TMTC2: variants seen among roughly 807,000 people sequenced by gnomAD.
The protein encoded by TMTC2 is protein O-mannosyl-transferase TMTC2.
A neutral mutation model predicts 82.4 loss-of-function variants in TMTC2; 43 were observed. The observed-to-expected ratio is 0.52, with a 90% CI of 0.41 to 0.67. TMTC2 has a LOEUF of 0.67. Ranked by LOEUF, TMTC2 falls within the 30% of genes least tolerant of loss-of-function variation. The pLI, the probability that TMTC2 is intolerant of heterozygous loss-of-function variation, is 0.00. For synonymous variants in TMTC2, 408 were observed against 381.9 expected (o/e 1.07, Z -0.80); for missense variants, 919 against 1,012.4 (o/e 0.91, Z 1.25).
At chr12:82,949,593 T>C (rs969211282) in intron 4 of TMTC2, among the ~76,000 whole-genome samples, 3 of 152,148 alleles carry the variant, frequency 2.0e-5, no homozygotes, top group African/African-American at 7.3e-5. Flanking sequence ...CATTCATTTA[T>C]TGGTCCTGTG....
chr12:82,876,686 CG>C (rs1872599892), intron 2 of TMTC2, among the ~76,000 whole-genome samples: 1 of 152,060 alleles, frequency 6.6e-6, no homozygotes, highest in South Asian at 2.1e-4. Flanking sequence ...TTATAATTGA[CG>C]TTTTTCAAGG....
intron 8 of TMTC2, among the ~76,000 whole-genome samples, chr12:83,006,654 G>C (rs1425722506): frequency 6.6e-6 from 1 of 152,166 alleles, no homozygotes; most frequent in Admixed American, 6.5e-5. Context: ...ATGCACACAC[G>C]TATGTTTATT....
chr12:82,907,158 C>T (rs1303447996), intron 3 of TMTC2, among the ~76,000 whole-genome samples: 1 of 151,950 alleles, frequency 6.6e-6, no homozygotes, highest in Non-Finnish European at 1.5e-5. Flanking sequence ...TGCAGAAGTT[C>T]AGACGCCTTT....
intron 2 of TMTC2, among the ~76,000 whole-genome samples, chr12:82,882,781 G>A (rs2137158002): frequency 6.6e-6 from 1 of 152,190 alleles, no homozygotes; most frequent in East Asian, 1.9e-4. Context: ...TCTAGGGTGC[G>A]TGCAGTGGCA....
intron 9 of TMTC2, among the ~76,000 whole-genome samples, chr12:83,033,735 A>T (rs965923302): frequency 1.3e-5 from 2 of 152,024 alleles, no homozygotes; most frequent in Admixed American, 6.6e-5. Context: ...TGGGTGAGAG[A>T]GCAAGACTCT....
At chr12:82,908,377 T>C (rs1411764230) in intron 3 of TMTC2, among the ~76,000 whole-genome samples, 3 of 102,508 alleles carry the variant, frequency 2.9e-5, no homozygotes, top group Admixed American at 9.5e-5. Flanking sequence ...TTTCTGTAGG[T>C]AACTTTTATC....
chr12:83,039,252 T>G (rs1465729194), intron 9 of TMTC2, among the ~76,000 whole-genome samples: 1 of 152,094 alleles, frequency 6.6e-6, no homozygotes, highest in Non-Finnish European at 1.5e-5. Context: ...CATCTTAATC[T>G]ATTGTTCAAG....
intron 1 of TMTC2, among the ~76,000 whole-genome samples, chr12:82,782,556 T>C (rs1208034013): frequency 6.6e-6 from 1 of 152,170 alleles, no homozygotes; most frequent in Non-Finnish European, 1.5e-5. Flanking sequence ...TATGAAGTTA[T>C]TAACTGATGT....
At chr12:82,806,269 A>C (rs1377604929) in intron 1 of TMTC2, among the ~76,000 whole-genome samples, 2 of 152,172 alleles carry the variant, frequency 1.3e-5, no homozygotes, top group African/African-American at 4.8e-5. Context: ...GACAAGAAAA[A>C]AAATGGCTCA....
At position 82,872,190 on chromosome 12, in the gene TMTC2, A is replaced by G. The variant is rs187045220; in HGVS notation, c.654+14610A>G. Among the ~76,000 whole-genome samples the G allele has an allele frequency of 1.0e-3, 156 of 152,236 alleles. 1 individual carries two copies. Among genetic ancestry groups the G allele is most frequent in the African/African-American group, 3.6e-3 (148 of 41,554 alleles). ...AGACTGGATAGTCTTTTTCTTTGGC[A>G]TGCCTCTGTCCCAGAAGGGAAATGG... On this transcript the variant is annotated intron_variant, in intron 2 of 11. Coordinates refer to ENST00000321196, the MANE Select transcript of TMTC2 (RefSeq NM_152588.3).
At chr12:82,824,478 T>C (rs1049383229) in intron 1 of TMTC2, among the ~76,000 whole-genome samples, 1 of 152,240 alleles carries the variant, frequency 6.6e-6, no homozygotes, top group Non-Finnish European at 1.5e-5. Flanking sequence ...AAAATGTGTT[T>C]CAATAAATAG....
chr12:82,704,032 T>C (rs752815179), intron 1 of TMTC2, among the ~76,000 whole-genome samples: 19 of 152,228 alleles, frequency 1.2e-4, no homozygotes, highest in Non-Finnish European at 2.1e-4. Context: ...ACCTTTATGC[T>C]TATCTTTATG....
chr12:82,942,943 A>T (rs902318362), intron 4 of TMTC2, among the ~76,000 whole-genome samples: 1 of 152,212 alleles, frequency 6.6e-6, no homozygotes, highest in Non-Finnish European at 1.5e-5. Flanking sequence ...ATTGTATATA[A>T]CATAAAATTT....
intron 9 of TMTC2, among the ~76,000 whole-genome samples, chr12:83,041,769 G>A (rs1268368798): frequency 6.6e-6 from 1 of 152,080 alleles, no homozygotes; most frequent in Middle Eastern, 3.2e-3. Flanking sequence ...GAAAATTAAT[G>A]GATTGTTTCC....
chr12:82,775,772 A>G (rs180690793), intron 1 of TMTC2, among the ~76,000 whole-genome samples: 1 of 152,252 alleles, frequency 6.6e-6, no homozygotes, highest in African/African-American at 2.4e-5. Context: ...TCCATTTTCA[A>G]TAGCACTGTG....
chr12:83,100,502 A>T (rs1346306383), intron 11 of TMTC2, among the ~76,000 whole-genome samples: 1 of 152,138 alleles, frequency 6.6e-6, no homozygotes, highest in Non-Finnish European at 1.5e-5. Flanking sequence ...TAAAATTCAG[A>T]TATTCGTATC....
chr12:83,083,781 G>A (rs1344867204), intron 11 of TMTC2, among the ~76,000 whole-genome samples: 1 of 152,118 alleles, frequency 6.6e-6, no homozygotes, highest in Non-Finnish European at 1.5e-5. Flanking sequence ...CTAAATGCAA[G>A]CCAACCACAA....
chr12:82,695,735 T>A (rs1345680278), intron 1 of TMTC2, among the ~76,000 whole-genome samples: 1 of 151,886 alleles, frequency 6.6e-6, no homozygotes, highest in Non-Finnish European at 1.5e-5. Flanking sequence ...CTGCGGGGGG[T>A]GCTTTAGGTG....
intron 4 of TMTC2, among the ~76,000 whole-genome samples, chr12:82,947,804 A>T (rs928812834): frequency 3.9e-5 from 6 of 152,142 alleles, no homozygotes; most frequent in African/African-American, 1.4e-4. Flanking sequence ...AGAAAAGAGA[A>T]TAGAAGCAAG....
Sources: allele counts gnomAD v4.1 joint callset (sites outside exome capture counted in the v4.1 genomes callset), GRCh38; gene constraint gnomAD v4.1.1; transcripts MANE v1.5; gene names NCBI Gene and HGNC (gene_info 2026-07-23, HGNC 2026-07-21).